The following VPS26B variants were observed in gnomAD, a reference collection of about 807,000 sequenced individuals.
VPS26B encodes the protein VPS26 retromer complex component B, also known as vacuolar protein sorting-associated protein 26B.
Under a neutral mutation model 33.3 loss-of-function variants are expected in VPS26B, and 10 were observed. The ratio of observed to expected loss-of-function variants is 0.30; its 90% CI spans 0.19 to 0.51. The LOEUF is 0.51. Among genes scored for constraint, VPS26B ranks in the 20% least tolerant of loss-of-function variants. The pLI is 0.98. For synonymous variants in VPS26B, 190 were observed against 176.9 expected, an observed-to-expected ratio of 1.07 and a Z score of -0.59; for missense variants, 317 against 452.7, an observed-to-expected ratio of 0.70 and a Z score of 2.72.
intron 1 of VPS26B, among the ~76,000 whole-genome samples, chr11:134,227,793 T>C (rs1392093346): frequency 6.6e-6 from 1 of 152,224 alleles, no homozygotes; most frequent in Admixed American, 6.5e-5. Context: ...ATGACCCTTA[T>C]AGAGGGTTCC....
At position 134,225,182 on chromosome 11, in the gene VPS26B, G is replaced by A; in HGVS notation, c.60G>A (p.Glu20=). 2.5e-6 allele frequency: 4 copies of A among 1,614,158 alleles called. No homozygotes were observed. The highest frequency in any genetic ancestry group is 3.4e-6 in the Non-Finnish European group (4 of 1,179,986). ...TGGAAATCCTTCTGAACGATGCAGA[G>A]AGTAGGAAGCGGGCCGAGCACAAGA... ...VEVEILLNDA[E]SRKRAEHKTE... Residue 20 remains glutamate, a synonymous_variant, in exon 1 of 6, where the codon GAG becomes GAA. Transcript: ENST00000281187.
chr11:134,245,039 G>A lies in VPS26B; in HGVS notation c.823G>A (p.Val275Met). Reference sequence around the variant, plus strand: ...CTCTGTGCGCTATTACCTCAACCTGGTGCTGATAGACGAGGAGGAGCGGCG... The same window carrying A: ...CTCTGTGCGCTATTACCTCAACCTGATGCTGATAGACGAGGAGGAGCGGCG... ...KFSVRYYLNLVLIDEEERRYF... is the reference protein window; with the variant it reads ...KFSVRYYLNLMLIDEEERRYF... Residue 275 changes from valine to methionine, a missense_variant, in exon 5 of 6, where the codon GTG becomes ATG. Physicochemically the swap from Val to Met is conservative, Grantham distance 21. Transcript: ENST00000281187. The surrounding 1 kb of genome is among the most constrained non-coding windows in gnomAD (Gnocchi z 4.7). The A allele has an allele frequency of 6.2e-7, 1 of 1,614,168 alleles. No individual in the cohort carries two copies. The highest frequency in any genetic ancestry group is 8.5e-7 in the Non-Finnish European group (1 of 1,180,042).
chr11:134,241,140 C>T (rs1469085293), intron 3 of VPS26B, among the ~76,000 whole-genome samples: 1 of 152,078 alleles, frequency 6.6e-6, no homozygotes, highest in Non-Finnish European at 1.5e-5. Context: ...GTTTGGAACT[C>T]AAATATCCAA....
chr11:134,242,025 T>C (rs1291502677), intron 3 of VPS26B, among the ~76,000 whole-genome samples: 1 of 152,202 alleles, frequency 6.6e-6, no homozygotes, highest in Non-Finnish European at 1.5e-5. Flanking sequence ...TGGGTTTTTG[T>C]TTTTTGTTTT....
chr11:134,244,951 G>A lies in VPS26B; in HGVS notation c.735G>A (p.Pro245=), dbSNP rs541501826. The part of the protein sequence containing the change: ...DGAPVRGESI[P]IRLFLAGYEL... The stretch of plus-strand genomic sequence containing the variant: ...CTCCCCCTACAGGAGAGTCCATCCC[G>A]ATCCGGCTCTTCCTGGCCGGGTATG... Residue 245 remains proline, a synonymous_variant, in exon 5 of 6, where the codon CCG becomes CCA. Transcript: ENST00000281187. This position sits in a 1 kb window ranked among gnomAD's most constrained non-coding sequence, Gnocchi z 4.0. 13 of 1,613,522 alleles carry A rather than the reference G, an allele frequency of 8.1e-6. No homozygotes were observed. Among genetic ancestry groups the A allele is most frequent in the East Asian group, 6.7e-5 (3 of 44,862 alleles).
At chr11:134,239,625 C>A in intron 2 of VPS26B, 1 of 247,550 alleles carries the variant, frequency 4.0e-6, no homozygotes, top group Admixed American at 5.0e-5. Context: ...AAAACCTGTA[C>A]ACAAATACAT....
At chr11:134,238,830 C>T (rs1938675416) in intron 2 of VPS26B, among the ~76,000 whole-genome samples, 3 of 152,010 alleles carry the variant, frequency 2.0e-5, no homozygotes, top group South Asian at 4.1e-4. Context: ...CTCCTGACCT[C>T]GTGATCCGCC....
rs1187797238 is a variant in VPS26B at position 134,225,071 on chromosome 11, C to T, written c.-52C>T. ...CCTTCTTTACCTAGGGCAGCCCGCG[C>T]CCCGGTGCGAGGGAGCGGTCCTTAC... On this transcript the variant is annotated 5_prime_UTR_variant, in exon 1 of 6. Coordinates refer to ENST00000281187, the MANE Select transcript of VPS26B (RefSeq NM_052875.5). 1.3e-6 allele frequency: 2 copies of T among 1,525,300 alleles called. No homozygotes were observed. Among genetic ancestry groups the T allele is most frequent in the Non-Finnish European group, 1.8e-6 (2 of 1,128,780 alleles). The allele number at this position is 1,525,300 out of a possible 1,614,324, so 94.5% of individuals were successfully genotyped here.
intron 3 of VPS26B, among the ~76,000 whole-genome samples, chr11:134,242,897 C>T (rs1295176981): frequency 6.6e-6 from 1 of 152,206 alleles, no homozygotes; most frequent in Non-Finnish European, 1.5e-5. Flanking sequence ...GCAGGAGAGA[C>T]GTCCTTTGCG....
intron 1 of VPS26B, among the ~76,000 whole-genome samples, chr11:134,233,538 A>G (rs1006880565): frequency 3.9e-5 from 6 of 152,260 alleles, no homozygotes; most frequent in Admixed American, 1.3e-4. Flanking sequence ...CCTGGCTAAC[A>G]TGGTGAAACC....
At chr11:134,227,475 T>C (rs889927260) in intron 1 of VPS26B, among the ~76,000 whole-genome samples, 1 of 152,218 alleles carries the variant, frequency 6.6e-6, no homozygotes, top group African/African-American at 2.4e-5. Flanking sequence ...TTAGCTGTTC[T>C]AGGAACCGTG....
At position 134,244,172 on chromosome 11, in the gene VPS26B, A is replaced by G. The variant is rs1215528749; in HGVS notation, c.722-766A>G. On this transcript the variant is annotated intron_variant, in intron 4 of 5. Coordinates refer to ENST00000281187, the MANE Select transcript of VPS26B (RefSeq NM_052875.5). The surrounding 1 kb of genome is among the most constrained non-coding windows in gnomAD (Gnocchi z 4.0). ...TGTCACTGGCTGTGCAAATAGAGCCAGCTGTCATTTTTCCTGTACAAATGA... is the reference window on the plus strand; with the variant it reads ...TGTCACTGGCTGTGCAAATAGAGCCGGCTGTCATTTTTCCTGTACAAATGA... The G allele has an allele frequency of 6.6e-6, 1 of 152,364 alleles. No homozygotes were observed. The highest frequency in any genetic ancestry group is 6.5e-5 in the Admixed American group (1 of 15,308). 9.4% of individuals were successfully genotyped at this position (152,364 alleles called of 1,614,324 possible).
In VPS26B at chr11:134,240,224, G is replaced by A; in HGVS notation, c.545+69G>A. The A allele has an allele frequency of 3.2e-6, 5 of 1,540,758 alleles. No individual in the cohort carries two copies. The highest frequency in any genetic ancestry group is 4.5e-6 in the Non-Finnish European group (5 of 1,122,344). ...GGTTAAGATGGGACTTGATGCAGAT[G>A]CAAACTGATGACCCTCTGTGACTCG... On this transcript the variant is annotated intron_variant, in intron 3 of 5. Coordinates refer to ENST00000281187, the MANE Select transcript of VPS26B (RefSeq NM_052875.5). This position sits in a 1 kb window ranked among gnomAD's most constrained non-coding sequence, Gnocchi z 4.4.
In VPS26B at chr11:134,235,201, C is replaced by T. The variant is rs540880617; in HGVS notation, c.380+148C>T. ...TGTGGCGTGCTGGTAAACCATTAAC[C>T]GTGGGCCTTCTAGGAGGAAAGTGGC... is the stretch of plus-strand genomic sequence containing the variant. On this transcript the variant is annotated intron_variant, in intron 2 of 5. Coordinates refer to ENST00000281187, the MANE Select transcript of VPS26B (RefSeq NM_052875.5). 7.6e-5 allele frequency: 78 copies of T among 1,025,520 alleles called. No individual in the cohort carries two copies. In the African/African-American group the frequency reaches 1.1e-3, roughly 15 times the overall value. The allele number at this position is 1,025,520 out of a possible 1,614,324, so 63.5% of individuals were successfully genotyped here. A position where few individuals can be genotyped will look rare whatever the true frequency, so the allele number is the denominator to read the frequency against.
intron 3 of VPS26B, among the ~76,000 whole-genome samples, chr11:134,242,110 T>C (rs1214620089): frequency 6.6e-6 from 1 of 152,246 alleles, no homozygotes; most frequent in Non-Finnish European, 1.5e-5. Context: ...GTGTGATTTG[T>C]AGGAGTTTGA....
rs1330605986 is a variant in VPS26B, at chr11:134,246,558, C to G, written c.*968C>G. 2 of 152,410 alleles carry G rather than the reference C, an allele frequency of 1.3e-5. No homozygotes were observed. The highest frequency in any genetic ancestry group is 2.9e-5 in the Non-Finnish European group (2 of 68,080). 9.4% of individuals were successfully genotyped at this position (152,410 alleles called of 1,614,324 possible). A position where few individuals can be genotyped will look rare whatever the true frequency, so the allele number is the denominator to read the frequency against. ...TGGGAATTGGGGCTTAGTTTCGAACCTTTGGCAAGGCTGTTCTTACTAATG... is the reference window on the plus strand; with the variant it reads ...TGGGAATTGGGGCTTAGTTTCGAACGTTTGGCAAGGCTGTTCTTACTAATG... On this transcript the variant is annotated 3_prime_UTR_variant, in exon 6 of 6. Coordinates refer to ENST00000281187, the MANE Select transcript of VPS26B (RefSeq NM_052875.5).
intron 3 of VPS26B, among the ~76,000 whole-genome samples, chr11:134,242,006 C>T (rs964543236): frequency 3.9e-5 from 6 of 152,218 alleles, no homozygotes; most frequent in Admixed American, 3.9e-4. Context: ...CCACAAGCAA[C>T]GTTTTTGTTG....
At chr11:134,239,747 C>T in intron 2 of VPS26B, 2 of 516,286 alleles carry the variant, frequency 3.9e-6, no homozygotes, top group Non-Finnish European at 7.0e-6. Context: ...GGCATGGGCT[C>T]CCTAGAGGGA....
chr11:134,232,790 CTA>C (rs1938574760), intron 1 of VPS26B, among the ~76,000 whole-genome samples: 1 of 152,212 alleles, frequency 6.6e-6, no homozygotes, highest in Admixed American at 6.5e-5. Context: ...TCCCCTGAAA[CTA>C]TGGCCAGAAT....
Sources: allele counts gnomAD v4.1 joint callset (sites outside exome capture counted in the v4.1 genomes callset), GRCh38; gene constraint gnomAD v4.1.1; non-coding constraint Gnocchi (gnomAD v3.1); transcripts MANE v1.5; gene names NCBI Gene and HGNC (gene_info 2026-07-23, HGNC 2026-07-21).